Variants in FGF13 observed in about 807,000 individuals in gnomAD.
FGF13 encodes fibroblast growth factor homologous factor 2.
Under a neutral mutation model 19.5 loss-of-function variants are expected in FGF13, and 2 were observed. That is an observed-to-expected ratio of 0.10 (90% CI 0.04 to 0.32). FGF13 has a LOEUF of 0.32. Ranked by LOEUF, FGF13 falls within the 10% of genes least tolerant of loss-of-function variation. The probability of loss-of-function intolerance (pLI) is 1.00; values close to 1 mark genes in which losing one functional copy is unlikely to be tolerated. For synonymous variants in FGF13, 72 were observed against 76.9 expected (o/e 0.94, Z 0.33); for missense variants, 113 against 192.7 (o/e 0.59, Z 2.45).
intron 3 of FGF13, among the ~76,000 whole-genome samples, chrX:138,674,764 C>T (rs1229979007): frequency 9.0e-6 from 1 of 110,800 alleles, no homozygotes; most frequent in Non-Finnish European, 1.9e-5. Flanking sequence ...CTAAGGTTTT[C>T]CATTAGAGTG....
chrX:139,154,878 A>G (rs1451366832), intron 1 of FGF13, among the ~76,000 whole-genome samples: 2 of 112,103 alleles, frequency 1.8e-5, no homozygotes, highest in African/African-American at 6.5e-5. Context: ...ACTTTGTACC[A>G]GGGACTGTTC....
chrX:138,640,133 A>G (rs2089232985), intron 3 of FGF13, among the ~76,000 whole-genome samples: 2 of 112,084 alleles, frequency 1.8e-5, no homozygotes, highest in African/African-American at 6.5e-5. Flanking sequence ...ATGTACTCAC[A>G]TTATTAAGGA....
At chrX:139,123,864 G>C (rs2083695422) in intron 1 of FGF13, among the ~76,000 whole-genome samples, 1 of 112,513 alleles carries the variant, frequency 8.9e-6, no homozygotes, top group African/African-American at 3.2e-5. Context: ...GGAGGGCCTT[G>C]AATGCCATAA....
chrX:138,656,296 G>C (rs17538976), intron 3 of FGF13, among the ~76,000 whole-genome samples: 2,359 of 111,509 alleles, frequency 0.021, 17 homozygotes, highest in Non-Finnish European at 0.032. Flanking sequence ...TCATAATAAT[G>C]GATATTTAAT....
intron 1 of FGF13, among the ~76,000 whole-genome samples, chrX:138,888,923 A>G (rs2091463787): frequency 8.9e-6 from 1 of 111,920 alleles, no homozygotes; most frequent in Non-Finnish European, 1.9e-5. Context: ...TGCAATATAA[A>G]TATGATGCAT....
At chrX:138,753,779 C>T (rs1175453813) in intron 3 of FGF13, among the ~76,000 whole-genome samples, 1 of 112,258 alleles carries the variant, frequency 8.9e-6, no homozygotes, top group Admixed American at 9.4e-5. Flanking sequence ...TAGTTCTAGT[C>T]TACTAAATGG....
chrX:138,932,759 T>C (rs2091710702), intron 1 of FGF13, among the ~76,000 whole-genome samples: 1 of 107,231 alleles, frequency 9.3e-6, no homozygotes, highest in South Asian at 4.2e-4. Context: ...AACTTTTAAG[T>C]TGGTTTGCTT....
In FGF13 at chrX:138,981,028, T is replaced by C. The variant is rs180962607; in HGVS notation, c.-112-116378A>G. On this transcript the variant is annotated intron_variant, in intron 1 of 2. Transcript: ENST00000421460. ...CCCTCTACAAGCTCATGGTTCAATA[T>C]GGGATGAAATCAGAAACAAAACTGT... 4.9e-3 allele frequency among the ~76,000 whole-genome samples: 548 copies of C among 111,156 alleles called. 2 individuals carry two copies. Among genetic ancestry groups the C allele is most frequent in the Middle Eastern group, 0.014 (3 of 210 alleles).
intron 1 of FGF13, among the ~76,000 whole-genome samples, chrX:138,958,538 A>G (rs1238076727): frequency 8.9e-6 from 1 of 111,986 alleles, no homozygotes; most frequent in Non-Finnish European, 1.9e-5. Flanking sequence ...GGCCTCATAA[A>G]AAGAGTTAGG....
intron 1 of FGF13, among the ~76,000 whole-genome samples, chrX:139,195,530 T>C (rs1319843950): frequency 8.9e-6 from 1 of 112,618 alleles, no homozygotes; most frequent in East Asian, 2.8e-4. Context: ...TTAAGAACCC[T>C]AGCTATTTAC....
chrX:138,736,357 T>C (rs1020465236), intron 1 of FGF13, among the ~76,000 whole-genome samples: 3 of 112,450 alleles, frequency 2.7e-5, no homozygotes, highest in Non-Finnish European at 5.6e-5. Context: ...CTTTGTTTTA[T>C]AAGATCAGCT....
intron 1 of FGF13, among the ~76,000 whole-genome samples, chrX:139,104,619 T>C (rs1259443454): frequency 9.0e-6 from 1 of 111,658 alleles, no homozygotes; most frequent in Admixed American, 9.5e-5. Flanking sequence ...ATAAACACCA[T>C]AAATGTATTT....
intron 1 of FGF13, among the ~76,000 whole-genome samples, chrX:139,009,079 C>T (rs756384206): frequency 4.5e-5 from 5 of 111,267 alleles, no homozygotes; most frequent in East Asian, 5.7e-4. Flanking sequence ...GCAATAGAAT[C>T]GAACAAGCAG....
chrX:138,984,588 A>AAGAAGAAGGAGG (rs2091982501), intron 1 of FGF13, among the ~76,000 whole-genome samples: 8 of 11,501 alleles, frequency 7.0e-4, no homozygotes, highest in Non-Finnish European at 1.5e-3. Flanking sequence ...GAAGAAGAAG[A>AAGAAGAAGGAGG]AGGAGGAGGA....
Position 138,622,427 on chromosome X carries a change from A to T in FGF13, c.*10423T>A, listed in dbSNP as rs1163408926. On this transcript the variant is annotated 3_prime_UTR_variant, in exon 5 of 5. Transcript: ENST00000315930. ...CTTTCATGATGAAAACATTCAAAAC[A>T]TTAGGTAGAGAAGGAATATCCCTAA... The T allele has an allele frequency of 8.9e-6, 1 of 112,012 alleles. No homozygotes were observed. The highest frequency in any genetic ancestry group is 3.2e-5 in the African/African-American group (1 of 30,902). The allele number at this position is 112,012 out of a possible 1,213,427, so 9.2% of individuals were successfully genotyped here.
At chrX:138,725,505 T>C (rs1276016355) in intron 1 of FGF13, among the ~76,000 whole-genome samples, 2 of 111,047 alleles carry the variant, frequency 1.8e-5, no homozygotes, top group African/African-American at 6.5e-5. Context: ...TCAAGAACAG[T>C]TCCTTTATGT....
At chrX:138,962,697 G>T (rs191475012) in intron 1 of FGF13, among the ~76,000 whole-genome samples, 6 of 111,865 alleles carry the variant, frequency 5.4e-5, no homozygotes, top group African/African-American at 1.9e-4. Context: ...CATTTGTAGG[G>T]ACATGGATGA....
intron 1 of FGF13, among the ~76,000 whole-genome samples, chrX:138,964,021 A>G (rs2091885428): frequency 8.9e-6 from 1 of 111,804 alleles, no homozygotes; most frequent in Admixed American, 9.6e-5. Flanking sequence ...AATAATAGGC[A>G]ACTGTAAATT....
At position 138,911,826 on chromosome X, in the gene FGF13, A is replaced by G. The variant is rs892119844; in HGVS notation, c.-112-47176T>C. 4.5e-5 allele frequency among the ~76,000 whole-genome samples: 5 copies of G among 111,470 alleles called. No homozygotes were observed. The Admixed American group carries it at 4.8e-4, about 11-fold the overall frequency. On this transcript the variant is annotated intron_variant, in intron 1 of 2. Transcript: ENST00000421460. ...TGGAGACTGCATATTCCTCACATCT[A>G]TATGTTCCGAAACACCCAGAATAAC...
Sources: gnomAD v4.1 joint callset for allele counts (sites outside exome capture counted in the v4.1 genomes callset) on GRCh38, gnomAD v4.1.1 for gene constraint, MANE v1.5 for transcripts, NCBI Gene and HGNC (gene_info 2026-07-23, HGNC 2026-07-21) for gene names.